Variants in CADM1 observed in about 807,000 individuals in gnomAD.
CADM1 encodes cell adhesion molecule 1.
In CADM1, 15 loss-of-function variants were observed where a neutral mutation model predicts 53.1. That is an observed-to-expected ratio of 0.28 (90% confidence interval 0.19 to 0.44). The LOEUF (loss-of-function observed/expected upper bound fraction) is 0.44. Ranked by LOEUF, CADM1 falls within the 20% of genes least tolerant of loss-of-function variation. The pLI is 1.00. For synonymous variants in CADM1, 281 were observed against 243.0 expected, an observed-to-expected ratio of 1.16 and a Z score of -1.45; for missense variants, 434 against 611.3, an observed-to-expected ratio of 0.71 and a Z score of 3.06.
intron 1 of CADM1, among the ~76,000 whole-genome samples, chr11:115,291,282 G>C (rs1366052423): frequency 6.6e-6 from 1 of 152,164 alleles, no homozygotes; most frequent in Non-Finnish European, 1.5e-5. Flanking sequence ...TTGTGTGACA[G>C]ATAAGATATA....
intron 1 of CADM1, among the ~76,000 whole-genome samples, chr11:115,501,396 C>T (rs1259273353): frequency 6.6e-6 from 1 of 152,160 alleles, no homozygotes. Flanking sequence ...TCCTTCCCAT[C>T]ACCACCATAA....
intron 1 of CADM1, among the ~76,000 whole-genome samples, chr11:115,491,994 T>C (rs190830672): frequency 4.6e-4 from 70 of 152,240 alleles, no homozygotes; most frequent in African/African-American, 1.6e-3. Flanking sequence ...ATACCTAATG[T>C]AAATGACGAG....
intron 1 of CADM1, among the ~76,000 whole-genome samples, chr11:115,406,482 G>C (rs1238293237): frequency 6.8e-6 from 1 of 147,618 alleles, no homozygotes; most frequent in Non-Finnish European, 1.5e-5. Flanking sequence ...CTTTTAAAAG[G>C]CATCTGCATT....
chr11:115,381,092 C>A (rs557125579), intron 1 of CADM1, among the ~76,000 whole-genome samples: 2 of 151,928 alleles, frequency 1.3e-5, no homozygotes, highest in Non-Finnish European at 2.9e-5. Context: ...GTCAGGAGTT[C>A]GAGACCAGCC....
chr11:115,235,674 G>A (rs1399027050), intron 3 of CADM1, among the ~76,000 whole-genome samples: 1 of 152,080 alleles, frequency 6.6e-6, no homozygotes, highest in African/African-American at 2.4e-5. Context: ...CAACAAAAGA[G>A]GAGTCTTAAA....
intron 1 of CADM1, among the ~76,000 whole-genome samples, chr11:115,362,897 C>T (rs991449879): frequency 6.6e-6 from 1 of 152,044 alleles, no homozygotes; most frequent in African/African-American, 2.4e-5. Context: ...ATAAGTCTAC[C>T]TAGAAAATGT....
At chr11:115,267,124 T>G (rs1943163204) in intron 1 of CADM1, among the ~76,000 whole-genome samples, 2 of 152,238 alleles carry the variant, frequency 1.3e-5, no homozygotes, top group Admixed American at 1.3e-4. Context: ...AAAGCTATGA[T>G]GTACCAAGCT....
chr11:115,344,632 C>A (rs1162044986), intron 1 of CADM1, among the ~76,000 whole-genome samples: 2 of 152,130 alleles, frequency 1.3e-5, no homozygotes, highest in Admixed American at 6.6e-5. Flanking sequence ...CTGCCATTGA[C>A]TGGAGTCAGG....
intron 1 of CADM1, among the ~76,000 whole-genome samples, chr11:115,466,338 C>G (rs184229124): frequency 1.3e-5 from 2 of 152,190 alleles, no homozygotes. Context: ...TCAGCATTAT[C>G]TACCAATTAG....
At chr11:115,261,148 C>T (rs1316092706) in intron 1 of CADM1, among the ~76,000 whole-genome samples, 1 of 152,122 alleles carries the variant, frequency 6.6e-6, no homozygotes, top group Non-Finnish European at 1.5e-5. Context: ...CTATTATGGG[C>T]ACAATGTTTC....
intron 1 of CADM1, among the ~76,000 whole-genome samples, chr11:115,409,526 C>A (rs984830733): frequency 1.3e-5 from 2 of 151,702 alleles, no homozygotes; most frequent in African/African-American, 4.8e-5. Context: ...CCTCTTGAAT[C>A]CAAGTGGCCC....
intron 1 of CADM1, among the ~76,000 whole-genome samples, chr11:115,293,039 T>G (rs1180716920): frequency 6.6e-6 from 1 of 152,192 alleles, no homozygotes; most frequent in Admixed American, 6.5e-5. Context: ...TACCAAATGC[T>G]GCAGCACAAT....
intron 1 of CADM1, among the ~76,000 whole-genome samples, chr11:115,273,172 G>A (rs1486700091): frequency 2.0e-5 from 3 of 152,140 alleles, no homozygotes; most frequent in Non-Finnish European, 4.4e-5. Context: ...AAACTGTTTT[G>A]ATCTATTAAG....
At chr11:115,401,993 C>CA (rs946763595) in intron 1 of CADM1, among the ~76,000 whole-genome samples, 16 of 150,146 alleles carry the variant, frequency 1.1e-4, no homozygotes, top group South Asian at 8.4e-4. Context: ...AACACCCCCA[C>CA]AAAAAAAAAC....
intron 1 of CADM1, among the ~76,000 whole-genome samples, chr11:115,438,437 A>G (rs1948232510): frequency 6.6e-6 from 1 of 152,046 alleles, no homozygotes; most frequent in African/African-American, 2.4e-5. Context: ...GACAAGCATT[A>G]TTTTCCAACA....
In CADM1 at chr11:115,214,649, A is replaced by G; in HGVS notation, c.953T>C (p.Ile318Thr). ...NGTYRCEASN[I>T]VGKAHSDYML... is the part of the protein sequence containing the mutation. ...ATAATCCGAGTGAGCTTTCCCCACT[A>G]TGTTTGAAGCTTCACAGCGGTATGT... is the stretch of plus-strand genomic sequence containing the variant. The change falls in exon 7 of 12, where the codon ATA (isoleucine) becomes ACA (threonine). Residue 318 changes from isoleucine to threonine, a missense_variant. Transcript: ENST00000331581. 6.2e-7 allele frequency: 1 copy of G among 1,613,960 alleles called. No individual in the cohort carries two copies. Among genetic ancestry groups the G allele is most frequent in the South Asian group, 1.1e-5 (1 of 91,078 alleles).
chr11:115,232,449 C>T, intron 3 of CADM1, among the ~76,000 whole-genome samples: 1 of 152,168 alleles, frequency 6.6e-6, no homozygotes, highest in Non-Finnish European at 1.5e-5. Context: ...CAGCAATTTT[C>T]CATATTCTGA....
At chr11:115,225,379 T>C (rs1941569212) in intron 5 of CADM1, among the ~76,000 whole-genome samples, 1 of 152,216 alleles carries the variant, frequency 6.6e-6, no homozygotes, top group South Asian at 2.1e-4. Context: ...ACAACTCATT[T>C]ATTTATGTTC....
intron 9 of CADM1, among the ~76,000 whole-genome samples, chr11:115,197,607 GAT>G (rs1214560702): frequency 6.6e-6 from 1 of 152,160 alleles, no homozygotes; most frequent in Non-Finnish European, 1.5e-5. Flanking sequence ...GGGAAAAAGA[GAT>G]CATATTTCCT....
Sources: allele counts gnomAD v4.1 joint callset (sites outside exome capture counted in the v4.1 genomes callset), GRCh38; gene constraint gnomAD v4.1.1; transcripts MANE v1.5; gene names NCBI Gene and HGNC (gene_info 2026-07-23, HGNC 2026-07-21).